Variants in ADGRL2 observed in about 807,000 individuals in gnomAD.
ADGRL2 encodes the protein calcium-independent alpha-latrotoxin receptor 2.
A neutral mutation model predicts 157.4 loss-of-function variants in ADGRL2; 44 were observed. The ratio of observed to expected loss-of-function variants is 0.28; its 90% CI spans 0.22 to 0.36. ADGRL2 has a LOEUF of 0.36. Ranked by LOEUF, ADGRL2 falls within the 10% of genes least tolerant of loss-of-function variation. The pLI is 1.00. For missense variants in ADGRL2, 1,510 were observed against 1,768.9 expected, an observed-to-expected ratio of 0.85 and a Z score of 2.63; for synonymous variants, 585 against 624.7, an observed-to-expected ratio of 0.94 and a Z score of 0.95.
intron 1 of ADGRL2, among the ~76,000 whole-genome samples, chr1:81,751,789 A>G (rs375080902): frequency 6.6e-6 from 1 of 152,222 alleles, no homozygotes; most frequent in South Asian, 2.1e-4. Flanking sequence ...AATAATAAGT[A>G]TCATATCATG....
At chr1:81,425,666 A>C (rs2077199451) in intron 1 of ADGRL2, among the ~76,000 whole-genome samples, 1 of 152,186 alleles carries the variant, frequency 6.6e-6, no homozygotes, top group African/African-American at 2.4e-5. Flanking sequence ...GGGAGAACTG[A>C]CCTTGGTTAA....
intron 1 of ADGRL2, among the ~76,000 whole-genome samples, chr1:81,374,578 G>GAAAAAAAAAAAAAAAAAAAA (rs71242588): frequency 3.8e-5 from 5 of 130,254 alleles, no homozygotes; most frequent in African/African-American, 9.1e-5. Context: ...TCTCAAAAAA[G>GAAAAAAAAAAAAAAAAAAAA]AAAAAAAAAA....
intron 1 of ADGRL2, among the ~76,000 whole-genome samples, chr1:81,328,988 AT>A (rs1390195289): frequency 6.6e-6 from 1 of 151,814 alleles, no homozygotes; most frequent in Non-Finnish European, 1.5e-5. Flanking sequence ...CTATCAACTT[AT>A]TTAGGATAGA....
At chr1:81,828,601 A>AACCTATGTTTCTTTTTTATT (rs2091692959) in intron 1 of ADGRL2, among the ~76,000 whole-genome samples, 1 of 152,088 alleles carries the variant, frequency 6.6e-6, no homozygotes, top group African/African-American at 2.4e-5. Context: ...TGCTTTTTAT[A>AACCTATGTTTCTTTTTTATT]ACCTATGTTT....
intron 1 of ADGRL2, among the ~76,000 whole-genome samples, chr1:81,758,754 T>G (rs2085773850): frequency 6.6e-6 from 1 of 152,236 alleles, no homozygotes; most frequent in Admixed American, 6.5e-5. Flanking sequence ...GCTTCATGGC[T>G]TATGCCATTG....
chr1:81,518,256 C>T (rs1221650727), intron 2 of ADGRL2, among the ~76,000 whole-genome samples: 2 of 152,242 alleles, frequency 1.3e-5, no homozygotes, highest in Non-Finnish European at 2.9e-5. Flanking sequence ...CCACCTTTCA[C>T]AGTGTGTCCT....
chr1:81,470,162 G>A (rs2101861336), intron 2 of ADGRL2, among the ~76,000 whole-genome samples: 1 of 152,268 alleles, frequency 6.6e-6, no homozygotes, highest in African/African-American at 2.4e-5. Context: ...ATCATCCAAA[G>A]AGCCAGGAAG....
At chr1:81,687,903 C>A (rs1280368364) in intron 3 of ADGRL2, among the ~76,000 whole-genome samples, 1 of 152,070 alleles carries the variant, frequency 6.6e-6, no homozygotes, top group East Asian at 1.9e-4. Flanking sequence ...TATCTGAAAA[C>A]AACTATATTT....
chr1:81,875,611 A>C (rs2093818957), intron 2 of ADGRL2, among the ~76,000 whole-genome samples: 1 of 152,176 alleles, frequency 6.6e-6, no homozygotes, highest in Non-Finnish European at 1.5e-5. Flanking sequence ...ACAACAATTA[A>C]ATCTTACTCT....
chr1:81,940,826 T>C (rs1373322209), intron 4 of ADGRL2, among the ~76,000 whole-genome samples: 1 of 151,542 alleles, frequency 6.6e-6, no homozygotes, highest in Non-Finnish European at 1.5e-5. Context: ...CTATATACAA[T>C]GTAAAGTAGT....
chr1:81,838,735 CT>C lies in ADGRL2; in HGVS notation c.73+1680del, dbSNP rs574220956. Among the ~76,000 whole-genome samples, 479 of 152,130 alleles carry C rather than the reference CT, an allele frequency of 3.1e-3. 3 individuals carry two copies. Among genetic ancestry groups the C allele is most frequent in the African/African-American group, 0.01 (430 of 41,516 alleles). On this transcript the variant is annotated intron_variant, in intron 2 of 23. Transcript: ENST00000686636. ...AGAGATCACTTTGCTTGCACAGTAG[CT>C]TAACTCAGTGGGGGGCTAGCAAACA...
chr1:81,963,155 G>A (rs1271198956), intron 11 of ADGRL2, among the ~76,000 whole-genome samples: 1 of 128,148 alleles, frequency 7.8e-6, no homozygotes, highest in Non-Finnish European at 1.7e-5. Context: ...TTTGTTCCTA[G>A]ACAACTTATA....
chr1:81,656,052 A>G (rs577737751), intron 3 of ADGRL2, among the ~76,000 whole-genome samples: 2 of 152,156 alleles, frequency 1.3e-5, no homozygotes, highest in Non-Finnish European at 2.9e-5. Flanking sequence ...CCTCTTTTGT[A>G]TATTGGAGTA....
At chr1:81,818,503 A>G (rs1364774973) in intron 1 of ADGRL2, among the ~76,000 whole-genome samples, 1 of 152,162 alleles carries the variant, frequency 6.6e-6, no homozygotes, top group Admixed American at 6.5e-5. Flanking sequence ...ATTTGCTTGC[A>G]TTGGTCTTAA....
chr1:81,469,653 T>A (rs768603263), intron 2 of ADGRL2, among the ~76,000 whole-genome samples: 22 of 152,336 alleles, frequency 1.4e-4, no homozygotes, highest in Admixed American at 5.2e-4. Flanking sequence ...CGGGCTCTAT[T>A]CCTTTCTTCA....
At chr1:81,906,957 C>T (rs906990631) in intron 2 of ADGRL2, 60 bp from the exon 3 acceptor site, 4 of 1,338,988 alleles carry the variant, frequency 3.0e-6, no homozygotes, top group Non-Finnish European at 4.2e-6. Context: ...AAATGCTTTA[C>T]TAAAATAATT....
At chr1:81,513,972 G>T (rs756639872) in intron 2 of ADGRL2, 3 of 152,132 alleles carry the variant, frequency 2.0e-5, no homozygotes, top group Non-Finnish European at 2.9e-5. Context: ...TAAACGGCAG[G>T]TGTGAACTGT....
At chr1:81,345,768 A>T (rs1489689237) in intron 1 of ADGRL2, among the ~76,000 whole-genome samples, 1 of 152,174 alleles carries the variant, frequency 6.6e-6, no homozygotes, top group Non-Finnish European at 1.5e-5. Flanking sequence ...AACTATATGT[A>T]AAAACGTAAA....
intron 2 of ADGRL2, among the ~76,000 whole-genome samples, chr1:81,762,626 A>G (rs2149311774): frequency 6.6e-6 from 1 of 152,260 alleles, no homozygotes; most frequent in East Asian, 1.9e-4. Context: ...GTAGAAAAAA[A>G]AGTCACTTTG....
Sources: gnomAD v4.1 joint callset for allele counts (sites outside exome capture counted in the v4.1 genomes callset) on GRCh38, gnomAD v4.1.1 for gene constraint, MANE v1.5 for transcripts, NCBI Gene and HGNC (gene_info 2026-07-23, HGNC 2026-07-21) for gene names.